GOLGA4: variants seen among roughly 807,000 people sequenced by gnomAD.
GOLGA4 encodes golgin A4.
Under a neutral mutation model 265.9 loss-of-function variants are expected in GOLGA4, and 169 were observed. The ratio of observed to expected loss-of-function variants is 0.64; its 90% CI spans 0.56 to 0.72. The LOEUF (loss-of-function observed/expected upper bound fraction) is 0.72. Ranked by LOEUF, GOLGA4 falls within the 30% of genes least tolerant of loss-of-function variation. The pLI is 0.00. For synonymous variants in GOLGA4, 923 were observed against 855.8 expected (o/e 1.08, Z -1.37); for missense variants, 2,482 against 2,483.4 (o/e 1.00, Z 0.01).
chr3:37,339,731 T>C (rs554898249), intron 19 of GOLGA4, among the ~76,000 whole-genome samples: 6 of 152,236 alleles, frequency 3.9e-5, no homozygotes, highest in Admixed American at 6.5e-5. Flanking sequence ...TTTAGTTGGA[T>C]TGTCTTGTTG....
At chr3:37,302,088 G>T in intron 9 of GOLGA4, 97 bp from the exon 10 acceptor site, 1 of 1,020,594 alleles carries the variant, frequency 9.8e-7, no homozygotes, top group East Asian at 2.6e-5. Flanking sequence ...CATGCACCAT[G>T]CCCGGCCTTT....
Position 37,326,156 on chromosome 3 carries a change from C to CT in GOLGA4, c.4271dup (p.Ser1425GlufsTer2). The CT allele has an allele frequency of 6.2e-7, 1 of 1,613,334 alleles. No homozygotes were observed. Among genetic ancestry groups the CT allele is most frequent in the Non-Finnish European group, 8.5e-7 (1 of 1,179,496 alleles). ...AGATTTATCTTTTAAAGTTGACACT[C>CT]TGAGTAAAGAGAAAATTTCTGCTCT... is the stretch of plus-strand genomic sequence containing the variant. On this transcript the variant is annotated frameshift_variant, in exon 14 of 24. Transcript: ENST00000361924. LOFTEE classifies it high-confidence loss of function.
At chr3:37,294,761 TTTC>T (rs1230287114) in intron 5 of GOLGA4, among the ~76,000 whole-genome samples, 1 of 152,212 alleles carries the variant, frequency 6.6e-6, no homozygotes. Flanking sequence ...AGTACACTTT[TTTC>T]TTCTTGGATC....
At chr3:37,252,201 A>T (rs1436349378) in intron 2 of GOLGA4, among the ~76,000 whole-genome samples, 2 of 152,168 alleles carry the variant, frequency 1.3e-5, no homozygotes, top group Non-Finnish European at 2.9e-5. Flanking sequence ...CGGGTCAGCA[A>T]ATTATCATGA....
intron 10 of GOLGA4, among the ~76,000 whole-genome samples, chr3:37,303,774 A>G (rs1218272002): frequency 1.3e-5 from 2 of 152,230 alleles, no homozygotes; most frequent in African/African-American, 2.4e-5. Flanking sequence ...ACGCTTATTT[A>G]GCACTTGTTG....
intron 22 of GOLGA4, among the ~76,000 whole-genome samples, chr3:37,359,618 GC>G (rs2097099283): frequency 6.6e-6 from 1 of 151,742 alleles, no homozygotes. Flanking sequence ...CTTCAACTTT[GC>G]TTTCACACTG....
At position 37,272,587 on chromosome 3, in the gene GOLGA4, A is replaced by C. The variant is rs562522119; in HGVS notation, c.163-9371A>C. On this transcript the variant is annotated intron_variant, in intron 2 of 23. Transcript: ENST00000361924. ...GCCACAATATTATTTATCACACCTA[A>C]AAATTAATAATTTCCTACCATCAAA... Among the ~76,000 whole-genome samples, 5 of 152,328 alleles carry C rather than the reference A, an allele frequency of 3.3e-5. No individual in the cohort carries two copies. In the South Asian group the frequency reaches 1.0e-3, roughly 32 times the overall value.
Position 37,325,890 on chromosome 3 carries a change from C to T in GOLGA4, c.4004C>T (p.Ser1335Phe), listed in dbSNP as rs1421443496. The T allele has an allele frequency of 2.5e-6, 4 of 1,613,460 alleles. No individual in the cohort carries two copies. The Admixed American group carries it at 6.7e-5, about 27-fold the overall frequency. Residue 1335 changes from serine (S) to phenylalanine (F), a missense_variant, in exon 14 of 24, where the codon TCT becomes TTT. Transcript: ENST00000361924. ...GGAGGCAATCAGCAACAGGCTGCTT[C>T]TGAAAAGGAGTCTTGTATAACACAG... ...KEGGNQQQAA[S>F]EKESCITQLK...
chr3:37,327,861 G>A, intron 14 of GOLGA4, 36 bp downstream of exon 14: 1 of 1,511,076 alleles, frequency 6.6e-7, no homozygotes, highest in South Asian at 1.3e-5. Flanking sequence ...TTTTATGGCA[G>A]TCCTTCTTAA....
At chr3:37,360,240 A>G (rs1025606887) in intron 22 of GOLGA4, among the ~76,000 whole-genome samples, 19 of 152,018 alleles carry the variant, frequency 1.2e-4, no homozygotes, top group African/African-American at 3.9e-4. Flanking sequence ...ATTCTTTTCA[A>G]TGGCTGATTG....
intron 16 of GOLGA4, 51 bp from the exon 17 acceptor site, chr3:37,335,002 A>T: frequency 8.9e-7 from 1 of 1,122,498 alleles, no homozygotes; most frequent in Non-Finnish European, 1.3e-6. Flanking sequence ...TTTGTTTACT[A>T]ATGCTTCTTT....
chr3:37,290,290 G>T (rs76975644), intron 5 of GOLGA4, among the ~76,000 whole-genome samples: 2,080 of 152,268 alleles, frequency 0.014, 39 homozygotes, highest in African/African-American at 0.047. Context: ...ATTCTTTGTT[G>T]TTATTGTCAA....
chr3:37,258,865 A>C (rs1315854389), intron 2 of GOLGA4, among the ~76,000 whole-genome samples: 2 of 151,996 alleles, frequency 1.3e-5, no homozygotes, highest in Non-Finnish European at 2.9e-5. Context: ...AATCTTTTTT[A>C]TATATTACCG....
In GOLGA4 at chr3:37,325,255, T is replaced by C; in HGVS notation, c.3369T>C (p.Asn1123=). Residue 1123 remains asparagine (N), a synonymous_variant, in exon 14 of 24, where the codon AAT becomes AAC. Coordinates refer to ENST00000361924, the MANE Select transcript of GOLGA4 (RefSeq NM_002078.5). ...EQLKQKSAHV[N]SLAQDETKLK... ...TAAAGCAGAAGTCTGCCCATGTGAA[T>C]TCTCTTGCACAAGATGAAACTAAAC... The C allele has an allele frequency of 1.2e-6, 2 of 1,613,296 alleles. No individual in the cohort carries two copies. The highest frequency in any genetic ancestry group is 1.7e-6 in the Non-Finnish European group (2 of 1,179,598).
chr3:37,334,069 CA>C (rs2097000880), intron 16 of GOLGA4, among the ~76,000 whole-genome samples: 1 of 152,070 alleles, frequency 6.6e-6, no homozygotes, highest in South Asian at 2.1e-4. Flanking sequence ...ATTCCAATTC[CA>C]AATATTATTT....
chr3:37,307,036 G>A (rs1359824973), intron 10 of GOLGA4, among the ~76,000 whole-genome samples: 8 of 152,054 alleles, frequency 5.3e-5, no homozygotes, highest in Non-Finnish European at 1.2e-4. Context: ...CCATTAAAAT[G>A]TTTTTTCCTA....
At chr3:37,337,112 A>T (rs1250859580) in intron 17 of GOLGA4, 31 bp from the exon 18 acceptor site, 1 of 1,301,034 alleles carries the variant, frequency 7.7e-7, no homozygotes, top group Non-Finnish European at 1.1e-6. Context: ...ATTATTGTAT[A>T]CACTCATGTT....
rs1284624592 is a variant in GOLGA4 at position 37,258,050 on chromosome 3, T to C, written c.162+6566T>C. Among the ~76,000 whole-genome samples, 76 of 55,160 alleles carry C rather than the reference T, an allele frequency of 1.4e-3. 7 individuals are homozygous for C. The highest frequency in any genetic ancestry group is 4.1e-3 in the African/African-American group (71 of 17,230). 36.2% of individuals were successfully genotyped at this position (55,160 alleles called of 152,430 possible). On this transcript the variant is annotated intron_variant, in intron 2 of 23. Coordinates refer to ENST00000361924, the MANE Select transcript of GOLGA4 (RefSeq NM_002078.5). ...GTATATATGTATATATACATACATA[T>C]ATATATGTATGTATATATGTATATA...
At chr3:37,291,842 A>G (rs1021394107) in intron 5 of GOLGA4, among the ~76,000 whole-genome samples, 9 of 152,128 alleles carry the variant, frequency 5.9e-5, no homozygotes, top group African/African-American at 2.2e-4. Flanking sequence ...CTATTAGGAA[A>G]TATTAATACT....
Sources: gnomAD v4.1 joint callset for allele counts (sites outside exome capture counted in the v4.1 genomes callset) on GRCh38, gnomAD v4.1.1 for gene constraint, MANE v1.5 for transcripts, NCBI Gene and HGNC (gene_info 2026-07-23, HGNC 2026-07-21) for gene names.